FLRT1: variants seen among roughly 807,000 people sequenced by gnomAD.
FLRT1 encodes leucine-rich repeat transmembrane protein FLRT1.
In FLRT1, 14 loss-of-function variants were observed where a neutral mutation model predicts 30.9. The ratio of observed to expected loss-of-function variants is 0.45; its 90% CI spans 0.30 to 0.71. FLRT1 has a LOEUF of 0.71. Ranked by LOEUF, FLRT1 falls within the 30% of genes least tolerant of loss-of-function variation. FLRT1 has a pLI of 0.08. For synonymous variants in FLRT1, 368 were observed against 430.4 expected (o/e 0.85, Z 1.80); for missense variants, 737 against 949.2 (o/e 0.78, Z 2.94).
At chr11:64,076,487 C>T (rs996800671) in intron 1 of FLRT1, among the ~76,000 whole-genome samples, 4 of 152,118 alleles carry the variant, frequency 2.6e-5, no homozygotes, top group African/African-American at 9.7e-5. Context: ...GATGGATGGA[C>T]GGATGATGTC....
chr11:64,070,358 T>C (rs1240084060), intron 1 of FLRT1, among the ~76,000 whole-genome samples: 1 of 152,106 alleles, frequency 6.6e-6, no homozygotes, highest in African/African-American at 2.4e-5. Flanking sequence ...CCAATGATCC[T>C]CCTGGCCCTT....
chr11:64,037,670 G>A (rs1228252199), intron 1 of FLRT1, among the ~76,000 whole-genome samples: 1 of 152,098 alleles, frequency 6.6e-6, no homozygotes, highest in African/African-American at 2.4e-5. Flanking sequence ...TGCGCACCCA[G>A]TCCCATGTTC....
chr11:64,116,420 C>T lies in FLRT1; in HGVS notation c.153C>T (p.Ser51=), dbSNP rs1944982564. Residue 51 remains serine, a synonymous_variant, in exon 3 of 3, where the codon AGC becomes AGT. Transcript: ENST00000682287. ...CCTTCCTGACGGAGGTCATCGACAG[C>T]ACCACCTGCCCCTCGGTGTGCCGCT... ...LIAFLTEVID[S]TTCPSVCRCD... 1 of 1,614,040 alleles carries T rather than the reference C, an allele frequency of 6.2e-7. No homozygotes were observed. The highest frequency in any genetic ancestry group is 1.7e-5 in the Admixed American group (1 of 60,036).
chr11:64,051,365 C>T (rs559779498), intron 1 of FLRT1, among the ~76,000 whole-genome samples: 52 of 152,242 alleles, frequency 3.4e-4, no homozygotes, highest in African/African-American at 9.9e-4. Flanking sequence ...CGTGTGGTCA[C>T]GAGCTAGAGA....
chr11:64,070,031 G>A (rs966470745), intron 1 of FLRT1, among the ~76,000 whole-genome samples: 5 of 152,112 alleles, frequency 3.3e-5, no homozygotes, highest in East Asian at 1.9e-4. Flanking sequence ...AGAGGTGTCC[G>A]CCAGACCAGG....
At chr11:64,077,785 CTGGCTGGGCCT>C (rs1944230218) in intron 1 of FLRT1, among the ~76,000 whole-genome samples, 1 of 152,238 alleles carries the variant, frequency 6.6e-6, no homozygotes, top group African/African-American at 2.4e-5. Flanking sequence ...GGACTGGGCC[CTGGCTGGGCCT>C]CCGGCCGCCG....
chr11:64,088,976 G>C (rs577772386), intron 1 of FLRT1, among the ~76,000 whole-genome samples: 101 of 152,296 alleles, frequency 6.6e-4, no homozygotes, highest in African/African-American at 2.3e-3. Flanking sequence ...AGGAGGCAGA[G>C]GTTACCAGAC....
intron 1 of FLRT1, among the ~76,000 whole-genome samples, chr11:64,063,708 G>A (rs1209064044): frequency 3.3e-5 from 5 of 152,176 alleles, no homozygotes; most frequent in Non-Finnish European, 7.4e-5. Context: ...CACCTCAGCG[G>A]GTGCTGAAAC....
intron 1 of FLRT1, among the ~76,000 whole-genome samples, chr11:64,057,759 G>A (rs573086907): frequency 2.6e-5 from 4 of 152,240 alleles, no homozygotes; most frequent in Non-Finnish European, 5.9e-5. Flanking sequence ...GGAGGAGGAA[G>A]GGGACAGCCA....
intron 2 of FLRT1, among the ~76,000 whole-genome samples, chr11:64,112,364 A>C (rs575005286): frequency 1.3e-5 from 2 of 152,178 alleles, no homozygotes; most frequent in South Asian, 4.1e-4. Flanking sequence ...AATACAAAAA[A>C]TTAGCTGGGC....
At chr11:64,038,593 G>A (rs993416001) in intron 1 of FLRT1, among the ~76,000 whole-genome samples, 1 of 152,182 alleles carries the variant, frequency 6.6e-6, no homozygotes, top group Non-Finnish European at 1.5e-5. Context: ...GCTGGGCACA[G>A]CCACCTCTGC....
At chr11:64,104,916 A>C (rs1011942758) in intron 2 of FLRT1, among the ~76,000 whole-genome samples, 6 of 152,054 alleles carry the variant, frequency 3.9e-5, no homozygotes, top group African/African-American at 1.4e-4. Flanking sequence ...CAAAAACACA[A>C]ATCCCAGCAA....
rs531921077 is a variant in FLRT1 at position 64,116,244 on chromosome 11, G to T, written c.-24G>T. The T allele has an allele frequency of 3.2e-6, 5 of 1,581,198 alleles. No homozygotes were observed. The highest frequency in any genetic ancestry group is 2.3e-5 in the South Asian group (2 of 87,744). On this transcript the variant is annotated 5_prime_UTR_variant, in exon 3 of 3. Transcript: ENST00000682287. ...GTATTCAGGCTCCAGGCCAGGTGGG[G>T]CCGGACGCCCCCAGCCATCCACCAT... is the stretch of plus-strand genomic sequence containing the variant.
intron 2 of FLRT1, among the ~76,000 whole-genome samples, chr11:64,105,055 G>A (rs893822352): frequency 6.6e-6 from 1 of 152,242 alleles, no homozygotes; most frequent in Non-Finnish European, 1.5e-5. Context: ...TGGGACATTC[G>A]TCAGCACGGC....
chr11:64,070,413 T>C (rs1027578862), intron 1 of FLRT1, among the ~76,000 whole-genome samples: 1 of 152,036 alleles, frequency 6.6e-6, no homozygotes, highest in African/African-American at 2.4e-5. Flanking sequence ...CGGCCACGCC[T>C]CTCCAGGAGA....
intron 2 of FLRT1, among the ~76,000 whole-genome samples, chr11:64,111,804 A>C (rs1272798773): frequency 6.6e-6 from 1 of 152,152 alleles, no homozygotes; most frequent in Non-Finnish European, 1.5e-5. Flanking sequence ...CCCAGTCCCC[A>C]ATGTAATGAA....
At chr11:64,061,168 A>G (rs979092178) in intron 1 of FLRT1, among the ~76,000 whole-genome samples, 2 of 152,188 alleles carry the variant, frequency 1.3e-5, no homozygotes, top group African/African-American at 2.4e-5. Flanking sequence ...GAGTCTTGTA[A>G]TGAGTATGGA....
At chr11:64,043,917 T>C (rs1171225379) in intron 1 of FLRT1, among the ~76,000 whole-genome samples, 1 of 151,726 alleles carries the variant, frequency 6.6e-6, no homozygotes, top group Non-Finnish European at 1.5e-5. Context: ...AGGTTCAAGC[T>C]ATTCTCCTGC....
intron 1 of FLRT1, among the ~76,000 whole-genome samples, chr11:64,099,641 T>C (rs1056467017): frequency 2.0e-5 from 3 of 149,628 alleles, no homozygotes; most frequent in Non-Finnish European, 3.0e-5. Context: ...GATGGAGAGA[T>C]AGGAGGATGG....
Sources: gnomAD v4.1 joint callset for allele counts (sites outside exome capture counted in the v4.1 genomes callset) on GRCh38, gnomAD v4.1.1 for gene constraint, MANE v1.5 for transcripts, NCBI Gene and HGNC (gene_info 2026-07-23, HGNC 2026-07-21) for gene names.